The following TENM1 variants were observed in gnomAD, a reference collection of about 807,000 sequenced individuals.
The protein encoded by TENM1 is teneurin transmembrane protein 1.
A neutral mutation model predicts 174.8 loss-of-function variants in TENM1; 35 were observed. That is an observed-to-expected ratio of 0.20 (90% CI 0.15 to 0.27). The LOEUF is 0.27. TENM1 is among the 10% of genes least tolerant of loss of function. The probability of loss-of-function intolerance (pLI) is 1.00; values close to 1 mark genes in which losing one functional copy is unlikely to be tolerated. For missense variants in TENM1, 1,633 were observed against 2,130.1 expected (o/e 0.77, Z 4.59); for synonymous variants, 781 against 798.7 (o/e 0.98, Z 0.37).
chrX:124,746,506 T>C (rs188060701), intron 3 of TENM1, among the ~76,000 whole-genome samples: 24 of 111,818 alleles, frequency 2.1e-4, no homozygotes, highest in Admixed American at 1.2e-3. Flanking sequence ...ATTTAAGTCA[T>C]TTTATTTTTC....
At chrX:125,030,570 G>T in the TENM1 span, among the ~76,000 whole-genome samples, 1 of 111,991 alleles carries the variant, frequency 8.9e-6, no homozygotes, top group Non-Finnish European at 1.9e-5. Flanking sequence ...TTCAAACTGT[G>T]TATGACAGAT....
At chrX:124,630,446 T>C (rs1346520213) in intron 11 of TENM1, among the ~76,000 whole-genome samples, 1 of 112,475 alleles carries the variant, frequency 8.9e-6, no homozygotes, top group African/African-American at 3.2e-5. Context: ...TTGTTACCCA[T>C]ACCTTAGTAG....
chrX:124,821,810 G>A (rs2147296522), intron 3 of TENM1, among the ~76,000 whole-genome samples: 1 of 112,100 alleles, frequency 8.9e-6, no homozygotes, highest in Admixed American at 9.4e-5. Flanking sequence ...CTTTGGGAAT[G>A]GTTTGAATTC....
At chrX:124,917,207 G>A (rs2057940051) in intron 1 of TENM1, among the ~76,000 whole-genome samples, 2 of 112,010 alleles carry the variant, frequency 1.8e-5, no homozygotes, top group Admixed American at 9.4e-5. Context: ...GGCCTGCAGA[G>A]AGAGGTAGGA....
intron 23 of TENM1, among the ~76,000 whole-genome samples, chrX:124,428,824 T>C (rs1366200803): frequency 2.7e-5 from 3 of 112,065 alleles, no homozygotes; most frequent in South Asian, 3.8e-4. Context: ...CAGACTTCAA[T>C]TGTCCCTGTG....
intron 3 of TENM1, among the ~76,000 whole-genome samples, chrX:124,864,661 G>A (rs2056971348): frequency 9.0e-6 from 1 of 111,380 alleles, no homozygotes; most frequent in African/African-American, 3.3e-5. Flanking sequence ...TAAAGAGGAG[G>A]TAGAGAAGGA....
intron 4 of TENM1, among the ~76,000 whole-genome samples, chrX:124,734,120 C>A (rs2053618527): frequency 9.0e-6 from 1 of 110,798 alleles, no homozygotes; most frequent in Non-Finnish European, 1.9e-5. Flanking sequence ...TTACTCACCT[C>A]CCCCTTTCAA....
chrX:124,414,024 A>G (rs1259730978), intron 25 of TENM1, among the ~76,000 whole-genome samples: 1 of 112,169 alleles, frequency 8.9e-6, no homozygotes, highest in Non-Finnish European at 1.9e-5. Flanking sequence ...AAAACTGGGC[A>G]TTTGTAAAAC....
the TENM1 span, among the ~76,000 whole-genome samples, chrX:125,025,148 A>G: frequency 3.6e-5 from 4 of 112,052 alleles, no homozygotes; most frequent in East Asian, 1.1e-3. Flanking sequence ...TGTTCCTGTA[A>G]GTATTATACT....
the TENM1 span, among the ~76,000 whole-genome samples, chrX:125,012,718 G>A: frequency 5.4e-5 from 6 of 111,722 alleles, no homozygotes; most frequent in Non-Finnish European, 1.1e-4. Flanking sequence ...CATTTAATGT[G>A]AATTAGCTTT....
intron 3 of TENM1, among the ~76,000 whole-genome samples, chrX:124,885,579 A>G (rs1427682962): frequency 3.6e-5 from 4 of 111,006 alleles, no homozygotes; most frequent in African/African-American, 1.3e-4. Flanking sequence ...GGTTGTATGG[A>G]TCCTGATAAG....
At chrX:124,624,019 T>C (rs898576838) in intron 11 of TENM1, among the ~76,000 whole-genome samples, 3 of 111,672 alleles carry the variant, frequency 2.7e-5, no homozygotes, top group East Asian at 5.6e-4. Context: ...AAAGCTACCA[T>C]GTAATAAGTG....
At chrX:124,666,338 T>C (rs1318912685) in intron 6 of TENM1, among the ~76,000 whole-genome samples, 1 of 111,629 alleles carries the variant, frequency 9.0e-6, no homozygotes, top group Non-Finnish European at 1.9e-5. Flanking sequence ...AACTACCCAA[T>C]AAATTTCATC....
chrX:125,094,158 C>G, the TENM1 span, among the ~76,000 whole-genome samples: 2 of 112,133 alleles, frequency 1.8e-5, no homozygotes, highest in African/African-American at 6.5e-5. Flanking sequence ...TCCCTGAGGC[C>G]CTGCTGACTG....
At chrX:124,737,161 C>G (rs146311286) in exon 4 of TENM1, 1 of 1,206,196 alleles carries the variant, frequency 8.3e-7, no homozygotes, top group Non-Finnish European at 1.1e-6. Flanking sequence ...TGGGAGGGGT[C>G]TGAAGGTGAA....
the TENM1 span, among the ~76,000 whole-genome samples, chrX:125,050,033 C>A: frequency 1.8e-5 from 2 of 109,640 alleles, no homozygotes; most frequent in African/African-American, 3.3e-5. Flanking sequence ...AAGTGCTCAT[C>A]AGAACTATCA....
chrX:124,752,783 G>A (rs971364638), intron 3 of TENM1, among the ~76,000 whole-genome samples: 4 of 110,387 alleles, frequency 3.6e-5, no homozygotes, highest in Non-Finnish European at 1.9e-5. Flanking sequence ...TCTCAGGTTT[G>A]TCAAAGATCA....
At chrX:124,730,155 C>A (rs1385394317) in intron 4 of TENM1, among the ~76,000 whole-genome samples, 2 of 110,825 alleles carry the variant, frequency 1.8e-5, no homozygotes, top group Non-Finnish European at 3.8e-5. Context: ...CAGGTGTGAG[C>A]CACCGGGCCA....
the TENM1 span, among the ~76,000 whole-genome samples, chrX:124,994,216 C>CT: frequency 0.061 from 3,068 of 50,535 alleles, 228 homozygotes; most frequent in African/African-American, 0.12. Context: ...AATTGACTGA[C>CT]TTTTTTTTTT....
Sources: gnomAD v4.1 joint callset for allele counts (sites outside exome capture counted in the v4.1 genomes callset) on GRCh38, gnomAD v4.1.1 for gene constraint, MANE v1.5 for transcripts, NCBI Gene and HGNC (gene_info 2026-07-23, HGNC 2026-07-21) for gene names.